EIF2A: variants seen among roughly 807,000 people sequenced by gnomAD.
The protein encoded by EIF2A is eukaryotic translation initiation factor 2A, also known as 65 kDa eukaryotic translation initiation factor 2A.
A neutral mutation model predicts 75.2 loss-of-function variants in EIF2A; 62 were observed. That is an observed-to-expected ratio of 0.82 (90% confidence interval 0.67 to 1.02). EIF2A has a LOEUF of 1.02. Ranked by LOEUF, EIF2A falls within the 50% of genes least tolerant of loss-of-function variation. The pLI is 0.00. For synonymous variants in EIF2A, 207 were observed against 239.0 expected (o/e 0.87, Z 1.23); for missense variants, 611 against 677.7 (o/e 0.90, Z 1.09).
At chr3:150,569,203 C>T (rs1724363041) in intron 9 of EIF2A, among the ~76,000 whole-genome samples, 1 of 152,066 alleles carries the variant, frequency 6.6e-6, no homozygotes, top group Admixed American at 6.6e-5. Context: ...AAAATCATCT[C>T]TGCTCATGTA....
Position 150,584,872 on chromosome 3 carries a change from CT to C in EIF2A, c.*971del, listed in dbSNP as rs890013633. 4.8e-4 allele frequency among the ~76,000 whole-genome samples: 72 copies of C among 148,728 alleles called. No individual in the cohort carries two copies. The highest frequency in any genetic ancestry group is 1.6e-3 in the African/African-American group (64 of 40,550). ...TTAAAGAAAAAGTATACACACAGGA[CT>C]TTTTTTTTTCTAATTCAAAAAATAC... On this transcript the variant is annotated 3_prime_UTR_variant, in exon 14 of 14. Coordinates refer to ENST00000460851, the MANE Select transcript of EIF2A (RefSeq NM_032025.5).
rs71138455 is a variant in EIF2A at position 150,560,716 on chromosome 3, C to CTT, written c.174-1807_174-1806dup. ...CAACTTCTGGAATAAGATGGAGAGTCTTTTTTTTTTTTTTTTTTTTGTTAA... is the reference window on the plus strand; with the variant it reads ...CAACTTCTGGAATAAGATGGAGAGTCTTTTTTTTTTTTTTTTTTTTTTGTTAA... On this transcript the variant is annotated intron_variant, in intron 3 of 13. Transcript: ENST00000460851. Among the ~76,000 whole-genome samples the CTT allele has an allele frequency of 3.3e-3, 402 of 120,652 alleles. 2 individuals are homozygous for CTT. The highest frequency in any genetic ancestry group is 4.3e-3 in the Middle Eastern group (1 of 232). The allele number at this position is 120,652 out of a possible 152,430, so 79.2% of individuals were successfully genotyped here. A position where few individuals can be genotyped will look rare whatever the true frequency, so the allele number is the denominator to read the frequency against.
At chr3:150,548,780 A>C (rs1199208632) in intron 1 of EIF2A, among the ~76,000 whole-genome samples, 1 of 152,214 alleles carries the variant, frequency 6.6e-6, no homozygotes, top group Admixed American at 6.5e-5. Flanking sequence ...TAAGAGCTTA[A>C]ATGTTGTCTG....
chr3:150,550,262 A>T (rs1423310069), intron 1 of EIF2A, among the ~76,000 whole-genome samples: 2 of 152,240 alleles, frequency 1.3e-5, no homozygotes, highest in East Asian at 1.9e-4. Context: ...CACTATATTA[A>T]GCTAACTACG....
intron 1 of EIF2A, among the ~76,000 whole-genome samples, chr3:150,550,641 G>A (rs866290211): frequency 6.6e-6 from 1 of 152,156 alleles, no homozygotes. Flanking sequence ...TGCTTGAGCT[G>A]AGGAGTTTAA....
chr3:150,568,909 C>G (rs916870444), intron 9 of EIF2A, among the ~76,000 whole-genome samples: 4 of 152,062 alleles, frequency 2.6e-5, no homozygotes, highest in Non-Finnish European at 5.9e-5. Flanking sequence ...AGAGCGAGAC[C>G]CTGTCTCAAA....
chr3:150,581,162 G>A (rs59885545), intron 11 of EIF2A, among the ~76,000 whole-genome samples: 20,921 of 152,196 alleles, frequency 0.14, 1,503 homozygotes, highest in Non-Finnish European at 0.16. Flanking sequence ...AAAAAGTTTT[G>A]TGGTACTTTG....
chr3:150,552,014 CAG>C (rs1723341731), intron 1 of EIF2A, among the ~76,000 whole-genome samples: 3 of 152,140 alleles, frequency 2.0e-5, no homozygotes, highest in African/African-American at 7.2e-5. Flanking sequence ...GATTAGGTCA[CAG>C]ATTCAGAGGT....
chr3:150,565,097 T>G, intron 6 of EIF2A: 2 of 440,764 alleles, frequency 4.5e-6, no homozygotes, highest in South Asian at 3.3e-5. Flanking sequence ...AGAAACAAGG[T>G]TATTTGTCTT....
intron 5 of EIF2A, 59 bp downstream of exon 5, chr3:150,563,673 A>G: frequency 8.3e-7 from 1 of 1,211,622 alleles, no homozygotes; most frequent in Non-Finnish European, 1.1e-6. Flanking sequence ...TCATCACTGT[A>G]TAATATTTGT....
chr3:150,547,117 A>G, intron 1 of EIF2A: 1 of 496,290 alleles, frequency 2.0e-6, no homozygotes, highest in Non-Finnish European at 3.7e-6. Context: ...TGCTAGTTGA[A>G]TTTGTGACAC....
rs762693824 is a variant in EIF2A at position 150,583,919 on chromosome 3, C to T, written c.*8C>T. The T allele has an allele frequency of 3.4e-5, 55 of 1,613,170 alleles. No homozygotes were observed. In the East Asian group the frequency reaches 3.8e-4, roughly 11 times the overall value. ...TTGGAATTGGGTATTTAAAGATTCA[C>T]GGAAAGCAAGTTGATGACCAGAAAT... On this transcript the variant is annotated 3_prime_UTR_variant, in exon 14 of 14. Transcript: ENST00000460851.
chr3:150,567,676 T>G lies in EIF2A; in HGVS notation c.476-17T>G. Reference sequence around the variant, plus strand: ...AGGTTCTCTCATCAATCTGATTTAATTTACTCTTTTTTTTAGACACAATTG... The same window carrying G: ...AGGTTCTCTCATCAATCTGATTTAAGTTACTCTTTTTTTTAGACACAATTG... On this transcript the variant is annotated splice_polypyrimidine_tract_variant and intron_variant, in intron 6 of 13. Transcript: ENST00000460851. 1 of 1,485,090 alleles carries G rather than the reference T, an allele frequency of 6.7e-7. No homozygotes were observed. Among genetic ancestry groups the G allele is most frequent in the Non-Finnish European group, 9.1e-7 (1 of 1,096,976 alleles). The allele number at this position is 1,485,090 out of a possible 1,614,324, so 92.0% of individuals were successfully genotyped here.
At chr3:150,552,255 A>G (rs979955716) in intron 1 of EIF2A, 101 bp from the exon 2 acceptor site, 2 of 903,776 alleles carry the variant, frequency 2.2e-6, no homozygotes, top group African/African-American at 3.4e-5. Context: ...TAATGATTTC[A>G]TTAATATTTT....
chr3:150,584,288 A>C lies in EIF2A; in HGVS notation c.*377A>C, dbSNP rs187348281. On this transcript the variant is annotated 3_prime_UTR_variant, in exon 14 of 14. Coordinates refer to ENST00000460851, the MANE Select transcript of EIF2A (RefSeq NM_032025.5). The stretch of plus-strand genomic sequence containing the variant: ...TCCTTAGTTCAGATATCCTTTATTA[A>C]TTTATAAGATGTGTAAAACTACTTA... 1 of 156,580 alleles carries C rather than the reference A, an allele frequency of 6.4e-6. No homozygotes were observed. The highest frequency in any genetic ancestry group is 2.4e-5 in the African/African-American group (1 of 41,746). 9.7% of individuals were successfully genotyped at this position (156,580 alleles called of 1,614,324 possible). A position where few individuals can be genotyped will look rare whatever the true frequency, so the allele number is the denominator to read the frequency against.
In EIF2A at chr3:150,571,040, C is replaced by T. The variant is rs150485654; in HGVS notation, c.812-918C>T. ...GAGACCGTGCCACTAAACTCCAGAC[C>T]GGGCAACAAGAGTGAAACTCCATCT... On this transcript the variant is annotated intron_variant, in intron 9 of 13. Coordinates refer to ENST00000460851, the MANE Select transcript of EIF2A (RefSeq NM_032025.5). 3.4e-3 allele frequency among the ~76,000 whole-genome samples: 510 copies of T among 151,658 alleles called. 4 individuals are homozygous for T. Among genetic ancestry groups the T allele is most frequent in the African/African-American group, 0.011 (435 of 41,372 alleles).
chr3:150,562,489 T>C (rs1723938701), intron 3 of EIF2A, 53 bp from the exon 4 acceptor site: 1 of 1,375,784 alleles, frequency 7.3e-7, no homozygotes, highest in African/African-American at 1.4e-5. Context: ...TTGGTTAGTG[T>C]TGACTACTAT....
intron 12 of EIF2A, 51 bp from the exon 13 acceptor site, chr3:150,583,149 A>G: frequency 6.5e-7 from 1 of 1,533,560 alleles, no homozygotes; most frequent in Non-Finnish European, 8.9e-7. Context: ...GGAAATTTGC[A>G]TTTGAAGTGA....
chr3:150,560,856 T>A (rs570691321), intron 3 of EIF2A, among the ~76,000 whole-genome samples: 1 of 152,244 alleles, frequency 6.6e-6, no homozygotes, highest in South Asian at 2.1e-4. Context: ...ATTTTATTTT[T>A]CTAAGCCTAA....
Sources: allele counts gnomAD v4.1 joint callset (sites outside exome capture counted in the v4.1 genomes callset), GRCh38; gene constraint gnomAD v4.1.1; transcripts MANE v1.5; gene names NCBI Gene and HGNC (gene_info 2026-07-23, HGNC 2026-07-21).